The following SMAD6 variants were observed in gnomAD, a reference collection of about 807,000 sequenced individuals.
SMAD6 encodes the protein SMAD family member 6.
Under a neutral mutation model 39.4 loss-of-function variants are expected in SMAD6, and 103 were observed. That is an observed-to-expected ratio of 2.62 (90% CI 2.23 to 3.08). The LOEUF (loss-of-function observed/expected upper bound fraction) is 3.08. Among genes scored for constraint, SMAD6 ranks in the 30% most tolerant of loss-of-function variants. The pLI is 0.00. For missense variants in SMAD6, 1,104 were observed against 742.9 expected (o/e 1.49, Z -5.65); for synonymous variants, 445 against 353.3 (o/e 1.26, Z -2.91).
At chr15:66,717,246 A>C (rs538959942) in intron 3 of SMAD6, 3 of 703,938 alleles carry the variant, frequency 4.3e-6, no homozygotes, top group Non-Finnish European at 6.6e-6. Flanking sequence ...GCTGGGACTG[A>C]CAGCCCCTCA....
At position 66,782,721 on chromosome 15, in the gene SMAD6, T is replaced by G. The variant is rs1378894651; in HGVS notation, c.*1186T>G. The G allele has an allele frequency of 6.6e-6, 1 of 152,268 alleles. No individual in the cohort carries two copies. Among genetic ancestry groups the G allele is most frequent in the Non-Finnish European group, 1.5e-5 (1 of 68,048 alleles). 9.4% of individuals were successfully genotyped at this position (152,268 alleles called of 1,614,324 possible). On this transcript the variant is annotated 3_prime_UTR_variant, in exon 4 of 4. Transcript: ENST00000288840. ...ATATTCTCAAAAAAAGAAAGTCTCC[T>G]TGGCCAGATAACTAAGAGGAATGTT...
intron 1 of SMAD6, chr15:66,704,772 A>G (rs186995068): frequency 2.3e-3 from 358 of 152,360 alleles, no homozygotes; most frequent in Admixed American, 3.8e-3. Context: ...TCTTGGAGGC[A>G]TCCGTGAGTA....
intron 3 of SMAD6, among the ~76,000 whole-genome samples, chr15:66,743,257 G>C (rs948677209): frequency 6.6e-6 from 1 of 152,142 alleles, no homozygotes; most frequent in African/African-American, 2.4e-5. Flanking sequence ...CTCTGGGCTG[G>C]GTAGTTATCT....
intron 3 of SMAD6, among the ~76,000 whole-genome samples, chr15:66,755,273 C>G (rs1268462680): frequency 6.6e-6 from 1 of 152,194 alleles, no homozygotes; most frequent in East Asian, 1.9e-4. Context: ...TGTTTGTTCA[C>G]AGGACGGTGC....
chr15:66,761,907 C>T lies in SMAD6; in HGVS notation c.953-19090C>T, dbSNP rs532313789. ...TGCCCACCTCACCCCATGACATTCA[C>T]ATGGCCCACTGGGGTGGTGTGTGGA... is the stretch of plus-strand genomic sequence containing the variant. On this transcript the variant is annotated intron_variant, in intron 3 of 3. Transcript: ENST00000288840. Among the ~76,000 whole-genome samples the T allele has an allele frequency of 2.4e-3, 367 of 152,280 alleles. 3 individuals are homozygous for T. Among genetic ancestry groups the T allele is most frequent in the African/African-American group, 8.5e-3 (352 of 41,552 alleles).
At chr15:66,756,539 C>T (rs547961794) in intron 3 of SMAD6, among the ~76,000 whole-genome samples, 29 of 152,234 alleles carry the variant, frequency 1.9e-4, no homozygotes, top group Non-Finnish European at 2.9e-4. Flanking sequence ...GCTCCACTGG[C>T]GCTGCCATGC....
intron 3 of SMAD6, among the ~76,000 whole-genome samples, chr15:66,737,637 T>A (rs1893736809): frequency 6.6e-6 from 1 of 151,972 alleles, no homozygotes; most frequent in African/African-American, 2.4e-5. Context: ...GGCATATAAG[T>A]TCTGTTTGCC....
intron 3 of SMAD6, among the ~76,000 whole-genome samples, chr15:66,718,152 C>CTGTGCA (rs1893368488): frequency 2.6e-5 from 2 of 77,336 alleles, no homozygotes; most frequent in East Asian, 4.1e-4. Flanking sequence ...GTGTGTGTGT[C>CTGTGCA]TGTGCATGTG....
At chr15:66,770,120 G>C (rs1459375046) in intron 3 of SMAD6, among the ~76,000 whole-genome samples, 1 of 152,160 alleles carries the variant, frequency 6.6e-6, no homozygotes, top group Non-Finnish European at 1.5e-5. Flanking sequence ...GAGCCACTGC[G>C]CCCGGCCGAG....
chr15:66,717,617 C>T lies in SMAD6; in HGVS notation c.952+1119C>T, dbSNP rs1305135887. ...GCTGCTCATGGCTGCCTGGCCATTT[C>T]CCCAGCCCAGAGCCTTTGCCTATCC... On this transcript the variant is annotated intron_variant, in intron 3 of 3. Coordinates refer to ENST00000288840, the MANE Select transcript of SMAD6 (RefSeq NM_005585.5). 2.9e-5 allele frequency: 11 copies of T among 380,252 alleles called. No individual in the cohort carries two copies. In the East Asian group the frequency reaches 6.6e-4, roughly 23 times the overall value. The allele number at this position is 380,252 out of a possible 1,614,324, so 23.6% of individuals were successfully genotyped here.
At chr15:66,760,747 C>T (rs776709444) in intron 3 of SMAD6, among the ~76,000 whole-genome samples, 15 of 152,310 alleles carry the variant, frequency 9.8e-5, no homozygotes, top group African/African-American at 3.4e-4. Flanking sequence ...CCATCCGTGA[C>T]GGCTCCAGAG....
intron 3 of SMAD6, among the ~76,000 whole-genome samples, chr15:66,753,980 A>G (rs1894053958): frequency 6.6e-6 from 1 of 152,230 alleles, no homozygotes; most frequent in African/African-American, 2.4e-5. Flanking sequence ...CAGGAGTGAC[A>G]TGTAGGTGGG....
chr15:66,748,976 C>A (rs1047757845), intron 3 of SMAD6, among the ~76,000 whole-genome samples: 2 of 152,168 alleles, frequency 1.3e-5, no homozygotes, highest in African/African-American at 4.8e-5. Context: ...GCCCGGTGCC[C>A]AGTCTAATTC....
rs1470441750 is a variant in SMAD6 at position 66,781,745 on chromosome 15, T to G, written c.*210T>G. The G allele has an allele frequency of 7.3e-6, 3 of 413,332 alleles. No homozygotes were observed. Among genetic ancestry groups the G allele is most frequent in the African/African-American group, 6.2e-5 (3 of 48,674 alleles). 25.6% of individuals were successfully genotyped at this position (413,332 alleles called of 1,614,324 possible). On this transcript the variant is annotated 3_prime_UTR_variant, in exon 4 of 4. Transcript: ENST00000288840. ...CATTTTTACAATGTAATTATTTATG[T>G]ATGGTGCAATGTGTGTATATGGACA...
At chr15:66,711,864 T>C in intron 2 of SMAD6, 140 bp downstream of exon 2, 1 of 689,878 alleles carries the variant, frequency 1.4e-6, no homozygotes, top group South Asian at 1.7e-5. Flanking sequence ...TGCTGTGAAA[T>C]GGGGTGAAGT....
At chr15:66,739,620 T>C (rs974485991) in intron 3 of SMAD6, among the ~76,000 whole-genome samples, 2 of 152,134 alleles carry the variant, frequency 1.3e-5, no homozygotes, top group African/African-American at 2.4e-5. Flanking sequence ...AAGAAGCATG[T>C]GGCATATTAG....
intron 3 of SMAD6, 76 bp from the exon 4 acceptor site, chr15:66,780,921 G>A (rs1595804499): frequency 5.0e-6 from 7 of 1,413,848 alleles, no homozygotes; most frequent in Middle Eastern, 2.4e-4. Flanking sequence ...GCAGACAGCA[G>A]TGCCCACCTC....
At chr15:66,715,502 C>G (rs953006971) in intron 2 of SMAD6, among the ~76,000 whole-genome samples, 2 of 152,082 alleles carry the variant, frequency 1.3e-5, no homozygotes, top group East Asian at 1.9e-4. Flanking sequence ...CTGGATTGTG[C>G]CAGGTGAGAA....
chr15:66,716,416 C>G lies in SMAD6; in HGVS notation c.875-5C>G. On this transcript the variant is annotated splice_polypyrimidine_tract_variant and splice_region_variant and intron_variant, in intron 2 of 3. Transcript: ENST00000288840. ...ACTAAGTTCTCTTTTTCTTTCCTCC[C>G]ACAGATCTGTCCGATTCCACATTGT... is the stretch of plus-strand genomic sequence containing the variant. 1 of 1,610,150 alleles carries G rather than the reference C, an allele frequency of 6.2e-7. No homozygotes were observed. Among genetic ancestry groups the G allele is most frequent in the Non-Finnish European group, 8.5e-7 (1 of 1,176,340 alleles).
Sources: gnomAD v4.1 joint callset for allele counts (sites outside exome capture counted in the v4.1 genomes callset) on GRCh38, gnomAD v4.1.1 for gene constraint, MANE v1.5 for transcripts, NCBI Gene and HGNC (gene_info 2026-07-23, HGNC 2026-07-21) for gene names.